The following FZD3 variants were observed in gnomAD, a reference collection of about 807,000 sequenced individuals.
The protein encoded by FZD3 is frizzled class receptor 3.
A neutral mutation model predicts 60.7 loss-of-function variants in FZD3; 30 were observed. That is an observed-to-expected ratio of 0.49 (90% confidence interval 0.37 to 0.67). The LOEUF (loss-of-function observed/expected upper bound fraction) is 0.67, where lower values mean the gene tolerates loss of function less well. FZD3 is among the 30% of genes least tolerant of loss of function. FZD3 has a pLI of 0.00. For synonymous variants in FZD3, 246 were observed against 275.2 expected, an observed-to-expected ratio of 0.89 and a Z score of 1.05; for missense variants, 605 against 838.7, an observed-to-expected ratio of 0.72 and a Z score of 3.44.
At chr8:28,522,621 T>A (rs1338231430) in intron 4 of FZD3, among the ~76,000 whole-genome samples, 1 of 152,198 alleles carries the variant, frequency 6.6e-6, no homozygotes, top group African/African-American at 2.4e-5. Context: ...GGTGTCTTTT[T>A]ATTTTAATAG....
chr8:28,510,246 C>T (rs1335526448), intron 3 of FZD3, among the ~76,000 whole-genome samples: 1 of 152,096 alleles, frequency 6.6e-6, no homozygotes, highest in Non-Finnish European at 1.5e-5. Flanking sequence ...TGTTGATGGA[C>T]ACAGGAAACA....
intron 5 of FZD3, among the ~76,000 whole-genome samples, chr8:28,550,440 T>TTTG (rs1805383780): frequency 6.8e-6 from 1 of 146,816 alleles, no homozygotes; most frequent in African/African-American, 2.5e-5. Context: ...TTCTGCTGTT[T>TTTG]TTTTTTTTTT....
intron 3 of FZD3, among the ~76,000 whole-genome samples, chr8:28,515,380 GA>G (rs1431151030): frequency 1.3e-5 from 2 of 152,310 alleles, no homozygotes; most frequent in East Asian, 3.9e-4. Flanking sequence ...TTTAGGGCAG[GA>G]ACGAAAGGAA....
rs532217787 is a variant in FZD3 at position 28,560,430 on chromosome 8, C to T, written c.1788-2368C>T. On this transcript the variant is annotated intron_variant, in intron 7 of 7. Transcript: ENST00000240093. ...AATTTATTTTTCTATGTAGTTGACT[C>T]TTAATTATCCATGGGCAGGTTGTTC... Among the ~76,000 whole-genome samples, 7 of 152,142 alleles carry T rather than the reference C, an allele frequency of 4.6e-5. No homozygotes were observed. In the South Asian group the frequency reaches 1.2e-3, roughly 27 times the overall value.
intron 6 of FZD3, 151 bp downstream of exon 6, chr8:28,551,902 A>G (rs1448562105): frequency 3.1e-6 from 2 of 655,532 alleles, no homozygotes; most frequent in Non-Finnish European, 5.0e-6. Flanking sequence ...GCACAGTAGC[A>G]TGTCTTAATT....
At chr8:28,503,260 C>T in intron 3 of FZD3, 58 bp downstream of exon 3, 1 of 976,616 alleles carries the variant, frequency 1.0e-6, no homozygotes, top group Non-Finnish European at 1.6e-6. Context: ...GTTGTCCCAT[C>T]AGCCAATCTA....
chr8:28,538,472 T>G (rs1328475801), intron 5 of FZD3, among the ~76,000 whole-genome samples: 1 of 152,168 alleles, frequency 6.6e-6, no homozygotes, highest in Non-Finnish European at 1.5e-5. Flanking sequence ...ATGAGAAAAC[T>G]TGAGTCTCAT....
At chr8:28,501,234 T>G (rs765434888) in intron 2 of FZD3, among the ~76,000 whole-genome samples, 38 of 152,340 alleles carry the variant, frequency 2.5e-4, no homozygotes, top group Admixed American at 3.9e-4. Context: ...GACTTTTCTT[T>G]TCCCTTCTGT....
At chr8:28,519,242 A>G (rs117418205) in intron 3 of FZD3, among the ~76,000 whole-genome samples, 1 of 152,334 alleles carries the variant, frequency 6.6e-6, no homozygotes, top group East Asian at 1.9e-4. Flanking sequence ...TCAAACTATT[A>G]TATAAATAAA....
intron 1 of FZD3, among the ~76,000 whole-genome samples, chr8:28,498,034 A>G (rs565245903): frequency 6.6e-6 from 1 of 152,370 alleles, no homozygotes; most frequent in African/African-American, 2.4e-5. Flanking sequence ...TCCTGATGTT[A>G]TACATTCATA....
chr8:28,501,061 A>G (rs1292135259), intron 2 of FZD3, among the ~76,000 whole-genome samples: 1 of 152,166 alleles, frequency 6.6e-6, no homozygotes, highest in African/African-American at 2.4e-5. Context: ...CGCCCTGCCC[A>G]GTATCTGTTT....
chr8:28,517,705 GTTC>G (rs1804467423), intron 3 of FZD3, among the ~76,000 whole-genome samples: 1 of 151,828 alleles, frequency 6.6e-6, no homozygotes, highest in South Asian at 2.1e-4. Flanking sequence ...GCTCTAATAA[GTTC>G]TTAATTTCAG....
Position 28,566,733 on chromosome 8 carries a change from AAGGTACATTTAC to A in FZD3, c.*3724_*3735del, listed in dbSNP as rs1805711508. Reference sequence around the variant, plus strand: ...ATTTATATTGCTTTTTGACATGCCAAAGGTACATTTACATATTACCATATTTGGATGACTTAC... The same window carrying A: ...ATTTATATTGCTTTTTGACATGCCAAATATTACCATATTTGGATGACTTAC... On this transcript the variant is annotated 3_prime_UTR_variant, in exon 8 of 8. Transcript: ENST00000240093. 2.0e-5 allele frequency: 3 copies of A among 152,144 alleles called. No homozygotes were observed. Among genetic ancestry groups the A allele is most frequent in the African/African-American group, 7.2e-5 (3 of 41,422 alleles). 9.4% of individuals were successfully genotyped at this position (152,144 alleles called of 1,614,324 possible). A position where few individuals can be genotyped will look rare whatever the true frequency, so the allele number is the denominator to read the frequency against.
At chr8:28,521,296 A>T (rs1430613891) in intron 4 of FZD3, among the ~76,000 whole-genome samples, 5 of 152,312 alleles carry the variant, frequency 3.3e-5, no homozygotes, top group Non-Finnish European at 7.4e-5. Context: ...TTTTCAAATT[A>T]CATGCAGTAT....
At chr8:28,519,730 T>TA (rs58605065) in intron 3 of FZD3, among the ~76,000 whole-genome samples, 3,729 of 135,616 alleles carry the variant, frequency 0.027, 155 homozygotes, top group African/African-American at 0.096. Flanking sequence ...ACCCTGTCTT[T>TA]AAAAAAAAAA....
At chr8:28,529,107 A>T (rs1480189287) in intron 5 of FZD3, among the ~76,000 whole-genome samples, 1 of 151,892 alleles carries the variant, frequency 6.6e-6, no homozygotes, top group African/African-American at 2.4e-5. Context: ...TTTTTAAGAG[A>T]TGGGGTTTCA....
At position 28,500,455 on chromosome 8, in the gene FZD3, G is replaced by GA. The variant is rs1470731335; in HGVS notation, c.-345+479dup. Among the ~76,000 whole-genome samples the GA allele has an allele frequency of 3.7e-4, 56 of 152,214 alleles. No individual in the cohort carries two copies. In the East Asian group the frequency reaches 4.6e-3, roughly 13 times the overall value. Reference sequence around the variant, plus strand: ...CAGGTTTTATGTGGTAGTCTTCTTTGAACCATTGATTTGAAACCCATACCT... The same window carrying GA: ...CAGGTTTTATGTGGTAGTCTTCTTTGAAACCATTGATTTGAAACCCATACCT... On this transcript the variant is annotated intron_variant, in intron 2 of 7. Coordinates refer to ENST00000240093, the MANE Select transcript of FZD3 (RefSeq NM_017412.4).
chr8:28,558,179 C>T (rs1399315783), intron 7 of FZD3, among the ~76,000 whole-genome samples: 2 of 152,154 alleles, frequency 1.3e-5, no homozygotes, highest in African/African-American at 4.8e-5. Flanking sequence ...CATAGGACTT[C>T]AGGCATTGGG....
intron 5 of FZD3, among the ~76,000 whole-genome samples, chr8:28,545,979 T>G (rs1182170467): frequency 1.3e-4 from 20 of 152,220 alleles, no homozygotes; most frequent in Admixed American, 1.3e-3. Flanking sequence ...ACCCAAATAT[T>G]TAATATTGTA....
Sources: allele counts gnomAD v4.1 joint callset (sites outside exome capture counted in the v4.1 genomes callset), GRCh38; gene constraint gnomAD v4.1.1; transcripts MANE v1.5; gene names NCBI Gene and HGNC (gene_info 2026-07-23, HGNC 2026-07-21).